NELL2: variants seen among roughly 807,000 people sequenced by gnomAD.
The protein encoded by NELL2 is neural EGFL like 2.
In NELL2, 41 loss-of-function variants were observed where a neutral mutation model predicts 109.6. That is an observed-to-expected ratio of 0.37 (90% CI 0.29 to 0.49). The LOEUF (loss-of-function observed/expected upper bound fraction) is 0.49. NELL2 is among the 20% of genes least tolerant of loss of function. The probability of loss-of-function intolerance (pLI) is 0.98; values close to 1 mark genes in which losing one functional copy is unlikely to be tolerated. For missense variants in NELL2, 900 were observed against 1,008.3 expected, an observed-to-expected ratio of 0.89 and a Z score of 1.45; for synonymous variants, 355 against 344.7, an observed-to-expected ratio of 1.03 and a Z score of -0.33.
chr12:44,835,808 A>C (rs564825634), intron 2 of NELL2, among the ~76,000 whole-genome samples: 1 of 152,338 alleles, frequency 6.6e-6, no homozygotes, highest in African/African-American at 2.4e-5. Flanking sequence ...AAGATGAGAC[A>C]GAGGGATGCA....
chr12:44,897,147 T>A (rs542642945), intron 1 of NELL2, among the ~76,000 whole-genome samples: 1 of 152,190 alleles, frequency 6.6e-6, no homozygotes, highest in Non-Finnish European at 1.5e-5. Flanking sequence ...TCAGTAATAA[T>A]CATCTACTGA....
At chr12:44,861,379 G>A (rs766845840) in intron 2 of NELL2, among the ~76,000 whole-genome samples, 67 of 152,130 alleles carry the variant, frequency 4.4e-4, no homozygotes, top group African/African-American at 1.4e-3. Context: ...GTGCCAAACC[G>A]GATCCCACAG....
chr12:44,632,915 G>C (rs1946507803), intron 13 of NELL2, among the ~76,000 whole-genome samples: 1 of 151,880 alleles, frequency 6.6e-6, no homozygotes. Context: ...CTAGGCCATA[G>C]AGAGTATTAG....
chr12:44,649,156 A>G (rs1658552241), intron 13 of NELL2, among the ~76,000 whole-genome samples: 2 of 151,914 alleles, frequency 1.3e-5, no homozygotes, highest in South Asian at 4.2e-4. Context: ...CAGATTAAGG[A>G]GAAAGGACAA....
intron 12 of NELL2, among the ~76,000 whole-genome samples, chr12:44,682,188 A>T (rs1020802806): frequency 6.7e-6 from 1 of 150,034 alleles, no homozygotes; most frequent in Non-Finnish European, 1.5e-5. Flanking sequence ...GCATTTTTTC[A>T]TGTGTTTTTT....
chr12:44,638,888 G>A (rs938426099), intron 13 of NELL2, among the ~76,000 whole-genome samples: 2 of 152,092 alleles, frequency 1.3e-5, no homozygotes, highest in Non-Finnish European at 2.9e-5. Flanking sequence ...TATAATGTGA[G>A]TCATATATAT....
intron 15 of NELL2, among the ~76,000 whole-genome samples, chr12:44,541,494 CA>C (rs1189163834): frequency 1.3e-5 from 2 of 151,482 alleles, no homozygotes; most frequent in African/African-American, 4.9e-5. Flanking sequence ...GTTGTCTCTC[CA>C]AAAGTAAAAC....
At chr12:44,677,812 A>T (rs756994024) in intron 12 of NELL2, among the ~76,000 whole-genome samples, 31 of 152,070 alleles carry the variant, frequency 2.0e-4, no homozygotes, top group Non-Finnish European at 4.3e-4. Context: ...TTTTAACTAA[A>T]CAACTGGGTG....
intron 3 of NELL2, among the ~76,000 whole-genome samples, chr12:44,815,161 T>A (rs992139988): frequency 2.6e-5 from 4 of 152,044 alleles, no homozygotes; most frequent in African/African-American, 9.7e-5. Flanking sequence ...ATATGTCAAG[T>A]ATCATGAATG....
At chr12:44,756,657 T>C (rs552031534) in intron 9 of NELL2, among the ~76,000 whole-genome samples, 1 of 152,300 alleles carries the variant, frequency 6.6e-6, no homozygotes, top group African/African-American at 2.4e-5. Flanking sequence ...TGCTACCATG[T>C]ATCACTTCCT....
chr12:44,570,610 C>T (rs114112516), intron 15 of NELL2, among the ~76,000 whole-genome samples: 2,271 of 152,168 alleles, frequency 0.015, 64 homozygotes, highest in African/African-American at 0.052. Flanking sequence ...ATATAAAACT[C>T]AAAATTTTAC....
At chr12:44,747,433 A>G (rs1432253360) in intron 9 of NELL2, among the ~76,000 whole-genome samples, 1 of 151,052 alleles carries the variant, frequency 6.6e-6, no homozygotes, top group African/African-American at 2.5e-5. Flanking sequence ...CATGTACCCT[A>G]AAACTTCAAG....
intron 15 of NELL2, among the ~76,000 whole-genome samples, chr12:44,588,082 T>TTGCAGGGAGGCGGAGGTTGCAGGGAGGC (rs1565976242): frequency 2.0e-5 from 3 of 151,304 alleles, no homozygotes; most frequent in South Asian, 2.1e-4. Flanking sequence ...ACCCGGGAGG[T>TTGCAGGGAGGCGGAGGTTGCAGGGAGGC]GGAGGTTGCA....
chr12:44,800,564 A>C (rs1942793889), intron 3 of NELL2, among the ~76,000 whole-genome samples: 1 of 152,170 alleles, frequency 6.6e-6, no homozygotes, highest in African/African-American at 2.4e-5. Flanking sequence ...AAAATGATCC[A>C]TGATACTTTT....
chr12:44,756,866 A>G lies in NELL2; in HGVS notation c.994+17881T>C, dbSNP rs117056751. 9.2e-4 allele frequency among the ~76,000 whole-genome samples: 140 copies of G among 152,138 alleles called. 2 individuals are homozygous for G. The East Asian group carries it at 0.024, about 26-fold the overall frequency. On this transcript the variant is annotated intron_variant, in intron 9 of 19. Transcript: ENST00000429094. ...ATTCTCTCCTTAAGTGACTCTGATC[A>G]TTCCTATGGCTCCAGTTAGCATCTA...
chr12:44,635,770 CT>C (rs1241124971), intron 13 of NELL2, among the ~76,000 whole-genome samples: 1 of 152,096 alleles, frequency 6.6e-6, no homozygotes, highest in African/African-American at 2.4e-5. Flanking sequence ...TATGTGGGCT[CT>C]TTTTTGGTTC....
chr12:44,772,674 CCTCTCTATTCCT>C (rs1489994639), intron 9 of NELL2, among the ~76,000 whole-genome samples: 1 of 152,020 alleles, frequency 6.6e-6, no homozygotes, highest in Non-Finnish European at 1.5e-5. Context: ...AAGCATGAAC[CCTCTCTATTCCT>C]CTCTATTCCA....
At chr12:44,525,533 T>A in intron 16 of NELL2, among the ~76,000 whole-genome samples, 1 of 152,208 alleles carries the variant, frequency 6.6e-6, no homozygotes, top group Non-Finnish European at 1.5e-5. Flanking sequence ...TTTTCCCAAC[T>A]AACTGGTGGT....
chr12:44,864,923 T>A, intron 2 of NELL2, among the ~76,000 whole-genome samples: 1 of 150,224 alleles, frequency 6.7e-6, no homozygotes, highest in Non-Finnish European at 1.5e-5. Flanking sequence ...TTTCTAGTTC[T>A]AGATCCCTGA....
Sources: allele counts gnomAD v4.1 joint callset (sites outside exome capture counted in the v4.1 genomes callset), GRCh38; gene constraint gnomAD v4.1.1; transcripts MANE v1.5; gene names NCBI Gene and HGNC (gene_info 2026-07-23, HGNC 2026-07-21).